Variants in FRMD4B observed in about 807,000 individuals in gnomAD.
The protein encoded by FRMD4B is FERM domain containing 4B.
Under a neutral mutation model 141.5 loss-of-function variants are expected in FRMD4B, and 74 were observed. The observed-to-expected ratio is 0.52, with a 90% CI of 0.43 to 0.63. The LOEUF (loss-of-function observed/expected upper bound fraction) is 0.63. FRMD4B is among the 30% of genes least tolerant of loss of function. The pLI, the probability that FRMD4B is intolerant of heterozygous loss-of-function variation, is 0.00. For synonymous variants in FRMD4B, 506 were observed against 467.9 expected (o/e 1.08, Z -1.05); for missense variants, 1,366 against 1,253.4 (o/e 1.09, Z -1.36).
intron 8 of FRMD4B, among the ~76,000 whole-genome samples, chr3:69,224,246 T>G (rs1379823014): frequency 6.6e-6 from 1 of 152,200 alleles, no homozygotes; most frequent in East Asian, 1.9e-4. Context: ...GAAATCTGTA[T>G]TTTATAACAC....
chr3:69,183,802 T>A (rs2092736280), intron 19 of FRMD4B, among the ~76,000 whole-genome samples: 1 of 151,934 alleles, frequency 6.6e-6, no homozygotes, highest in South Asian at 2.1e-4. Context: ...TTTTTTTAAC[T>A]AAAAATAATT....
intron 5 of FRMD4B, among the ~76,000 whole-genome samples, chr3:69,254,130 A>C (rs1251056487): frequency 6.6e-6 from 1 of 151,754 alleles, no homozygotes; most frequent in African/African-American, 2.4e-5. Context: ...TTTTAGACGG[A>C]GTCTCATACT....
upstream of FRMD4B, among the ~76,000 whole-genome samples, chr3:69,391,071 C>T (rs1575784505): frequency 6.6e-6 from 1 of 151,734 alleles, no homozygotes; most frequent in Admixed American, 6.6e-5. Context: ...GCCACAATTT[C>T]GAATATAATG....
chr3:69,262,434 C>A (rs952103171), intron 5 of FRMD4B, among the ~76,000 whole-genome samples: 1 of 142,370 alleles, frequency 7.0e-6, no homozygotes, highest in Non-Finnish European at 1.5e-5. Context: ...TTGTAATAAT[C>A]AAATACTGCA....
intron 5 of FRMD4B, among the ~76,000 whole-genome samples, chr3:69,285,810 C>T (rs1700667885): frequency 6.6e-6 from 1 of 151,524 alleles, no homozygotes; most frequent in Non-Finnish European, 1.5e-5. Flanking sequence ...CACCACTGCA[C>T]TTCACCCTGG....
chr3:69,348,354 C>G (rs1316691200), intron 1 of FRMD4B, among the ~76,000 whole-genome samples: 1 of 152,042 alleles, frequency 6.6e-6, no homozygotes, highest in Non-Finnish European at 1.5e-5. Context: ...AGCCTACCAA[C>G]CAAAAAAAGT....
chr3:69,313,358 G>A, intron 2 of FRMD4B, 94 bp downstream of exon 2: 4 of 780,512 alleles, frequency 5.1e-6, no homozygotes, highest in Non-Finnish European at 6.8e-6. Context: ...AGACTATGAG[G>A]CTCAGAGAGG....
chr3:69,196,877 T>C (rs1186428911), intron 13 of FRMD4B, 23 bp downstream of exon 13: 25 of 1,582,170 alleles, frequency 1.6e-5, no homozygotes, highest in Non-Finnish European at 1.6e-5. Context: ...TCTGTCCCTA[T>C]AGAAATGATG....
At chr3:69,508,346 T>C (rs1279800551) in intron 1 of FRMD4B, among the ~76,000 whole-genome samples, 1 of 152,222 alleles carries the variant, frequency 6.6e-6, no homozygotes, top group Admixed American at 6.5e-5. Context: ...ACTGATGATG[T>C]CTTCCACTTT....
At position 69,253,797 on chromosome 3, in the gene FRMD4B, G is replaced by A. The variant is rs113092502; in HGVS notation, c.502-3698C>T. Among the ~76,000 whole-genome samples, 1,306 of 152,298 alleles carry A rather than the reference G, an allele frequency of 8.6e-3. 22 individuals carry two copies. Among genetic ancestry groups the A allele is most frequent in the African/African-American group, 0.03 (1,258 of 41,578 alleles). ...CAATAATCTTCAATAAATAAAAACAGTTTATTGAAGTCTGGCTCAGGGGCT... is the reference window on the plus strand; with the variant it reads ...CAATAATCTTCAATAAATAAAAACAATTTATTGAAGTCTGGCTCAGGGGCT... On this transcript the variant is annotated intron_variant, in intron 5 of 22. Transcript: ENST00000398540.
At chr3:69,387,245 C>T (rs1371862494), upstream of FRMD4B, among the ~76,000 whole-genome samples, 1 of 152,068 alleles carries the variant, frequency 6.6e-6, no homozygotes, top group Non-Finnish European at 1.5e-5. Flanking sequence ...ATCCATCTTC[C>T]CACCTCAGCC....
At chr3:69,330,425 C>A (rs577967695) in intron 1 of FRMD4B, among the ~76,000 whole-genome samples, 1 of 136,588 alleles carries the variant, frequency 7.3e-6, no homozygotes, top group Non-Finnish European at 1.5e-5. Context: ...CGGCTTACTG[C>A]AACCTCTGCC....
intron 22 of FRMD4B, among the ~76,000 whole-genome samples, chr3:69,172,888 G>A (rs1379606171): frequency 6.6e-6 from 1 of 151,570 alleles, no homozygotes; most frequent in Non-Finnish European, 1.5e-5. Context: ...TTTTTTTAAA[G>A]TCTTTGGAAG....
In FRMD4B at chr3:69,308,574, A is replaced by G. The variant is rs577834675; in HGVS notation, c.323+2689T>C. Reference sequence around the variant, plus strand: ...CACCTAAGCCTCCCGAGGAGCTGGGACTACAGGTGTGCACCATCATGCCCC... The same window carrying G: ...CACCTAAGCCTCCCGAGGAGCTGGGGCTACAGGTGTGCACCATCATGCCCC... On this transcript the variant is annotated intron_variant, in intron 3 of 22. Coordinates refer to ENST00000398540, the MANE Select transcript of FRMD4B (RefSeq NM_015123.3). Among the ~76,000 whole-genome samples, 4 of 151,720 alleles carry G rather than the reference A, an allele frequency of 2.6e-5. No homozygotes were observed. In the East Asian group the frequency reaches 7.8e-4, roughly 30 times the overall value.
intron 7 of FRMD4B, among the ~76,000 whole-genome samples, chr3:69,246,132 C>T (rs111378635): frequency 1.3e-5 from 2 of 152,126 alleles, no homozygotes; most frequent in East Asian, 1.9e-4. Flanking sequence ...CCACTGTGCT[C>T]GGCACCCGGC....
intron 19 of FRMD4B, among the ~76,000 whole-genome samples, chr3:69,184,629 G>A (rs553025821): frequency 6.6e-6 from 1 of 152,344 alleles, no homozygotes; most frequent in South Asian, 2.1e-4. Context: ...TTAAGTGATT[G>A]GAGATGTGGG....
At chr3:69,310,677 T>C (rs1701556717) in intron 3 of FRMD4B, among the ~76,000 whole-genome samples, 1 of 152,034 alleles carries the variant, frequency 6.6e-6, no homozygotes, top group Admixed American at 6.6e-5. Context: ...TATTTTTATT[T>C]ACCTGCCTTG....
At chr3:69,340,754 T>C (rs1702712721) in intron 1 of FRMD4B, among the ~76,000 whole-genome samples, 1 of 152,226 alleles carries the variant, frequency 6.6e-6, no homozygotes, top group South Asian at 2.1e-4. Flanking sequence ...ATTATGAGTG[T>C]TATCGTCTTT....
chr3:69,435,581 C>T (rs552323083), intron 1 of FRMD4B, among the ~76,000 whole-genome samples: 1 of 152,192 alleles, frequency 6.6e-6, no homozygotes, highest in African/African-American at 2.4e-5. Flanking sequence ...CAGAAACTCT[C>T]TGGTCCACAG....
Sources: gnomAD v4.1 joint callset for allele counts (sites outside exome capture counted in the v4.1 genomes callset) on GRCh38, gnomAD v4.1.1 for gene constraint, MANE v1.5 for transcripts, NCBI Gene and HGNC (gene_info 2026-07-23, HGNC 2026-07-21) for gene names.